The following CDH7 variants were observed in gnomAD, a reference collection of about 807,000 sequenced individuals.
CDH7 encodes the protein cadherin-7.
Under a neutral mutation model 71.8 loss-of-function variants are expected in CDH7, and 25 were observed. That is an observed-to-expected ratio of 0.35 (90% CI 0.25 to 0.49). The LOEUF (loss-of-function observed/expected upper bound fraction) is 0.49. Among genes scored for constraint, CDH7 ranks in the 20% least tolerant of loss-of-function variants. CDH7 has a pLI of 0.99. For synonymous variants in CDH7, 381 were observed against 363.8 expected (o/e 1.05, Z -0.54); for missense variants, 862 against 974.6 (o/e 0.88, Z 1.54).
intron 1 of CDH7, among the ~76,000 whole-genome samples, chr18:65,761,925 A>G (rs1043870202): frequency 6.6e-6 from 1 of 152,198 alleles, no homozygotes; most frequent in Non-Finnish European, 1.5e-5. Context: ...GGGAGGCCCT[A>G]CTATGCACAA....
intron 2 of CDH7, among the ~76,000 whole-genome samples, chr18:65,791,606 T>C (rs1910715398): frequency 6.6e-6 from 1 of 152,214 alleles, no homozygotes; most frequent in South Asian, 2.1e-4. Context: ...TGTCAGATGC[T>C]GTGAATTCTC....
chr18:65,844,020 G>T lies in CDH7; in HGVS notation c.1190G>T (p.Gly397Val). The change falls in exon 7 of 12, where the codon GGC becomes GTC. Residue 397 changes from glycine (G) to valine (V), a missense_variant. Gly to Val is a moderately radical substitution (Grantham distance 109). Coordinates refer to ENST00000397968, the MANE Select transcript of CDH7 (RefSeq NM_004361.5). The stretch of plus-strand genomic sequence containing the variant: ...GCTACCCAGGTTGGGAATATCATTG[G>T]CACTGTAGCAGCTCATGACCCAGAT... ...SEATQVGNII[G>V]TVAAHDPDSS... 6.2e-7 allele frequency: 1 copy of T among 1,612,992 alleles called. No individual in the cohort carries two copies. The highest frequency in any genetic ancestry group is 8.5e-7 in the Non-Finnish European group (1 of 1,179,352).
intron 6 of CDH7, among the ~76,000 whole-genome samples, chr18:65,833,237 T>C (rs1206535891): frequency 6.6e-6 from 1 of 152,220 alleles, no homozygotes; most frequent in Non-Finnish European, 1.5e-5. Flanking sequence ...AGATGTGGAC[T>C]ACCTGGGGTT....
At chr18:65,865,097 G>A (rs913693225) in intron 11 of CDH7, among the ~76,000 whole-genome samples, 2 of 151,968 alleles carry the variant, frequency 1.3e-5, no homozygotes, top group Non-Finnish European at 2.9e-5. Flanking sequence ...ATAATGAATT[G>A]TTTTTTGATT....
At chr18:65,847,074 T>A (rs1029171102) in intron 7 of CDH7, among the ~76,000 whole-genome samples, 1 of 152,172 alleles carries the variant, frequency 6.6e-6, no homozygotes, top group Non-Finnish European at 1.5e-5. Flanking sequence ...GGCTTTTTGA[T>A]GAATATAAGC....
In CDH7 at chr18:65,844,050, C is replaced by G. The variant is rs1211493111; in HGVS notation, c.1220C>G (p.Ser407Cys). 1.2e-6 allele frequency: 2 copies of G among 1,612,744 alleles called. No homozygotes were observed. ...GTVAAHDPDS[S>C]NSPVRYSIDR... ...GTAGCAGCTCATGACCCAGATTCTT[C>G]CAATAGCCCTGTGAGGTAAAAACTC... The change falls in exon 7 of 12, where the codon TCC (serine) becomes TGC (cysteine). Residue 407 changes from serine to cysteine, a missense_variant. Physicochemically the swap from Ser to Cys is moderately radical, Grantham distance 112. Transcript: ENST00000397968.
intron 1 of CDH7, among the ~76,000 whole-genome samples, chr18:65,759,605 T>C (rs749092788): frequency 2.6e-5 from 4 of 152,138 alleles, no homozygotes; most frequent in Non-Finnish European, 5.9e-5. Context: ...TTAAAAGAGC[T>C]AACAAAATCA....
At position 65,885,926 on chromosome 18, in the gene CDH7, A is replaced by G. The variant is rs1914364975; in HGVS notation, c.*5032A>G. 1 of 152,184 alleles carries G rather than the reference A, an allele frequency of 6.6e-6. No homozygotes were observed. Among genetic ancestry groups the G allele is most frequent in the Non-Finnish European group, 1.5e-5 (1 of 68,022 alleles). 9.4% of individuals were successfully genotyped at this position (152,184 alleles called of 1,614,324 possible). A position where few individuals can be genotyped will look rare whatever the true frequency, so the allele number is the denominator to read the frequency against. On this transcript the variant is annotated 3_prime_UTR_variant, in exon 12 of 12. Transcript: ENST00000397968. Reference sequence around the variant, plus strand: ...TTTAGCTGTTATTTGTGTAATTGTCACATATTATTGTGCAGATTTAATCTC... The same window carrying G: ...TTTAGCTGTTATTTGTGTAATTGTCGCATATTATTGTGCAGATTTAATCTC...
At chr18:65,848,372 C>A (rs531474929) in intron 7 of CDH7, among the ~76,000 whole-genome samples, 1 of 152,190 alleles carries the variant, frequency 6.6e-6, no homozygotes, top group South Asian at 2.1e-4. Context: ...AAGGAACTTA[C>A]AATCTGGATG....
chr18:65,851,303 T>C (rs1913142388), intron 7 of CDH7, among the ~76,000 whole-genome samples: 1 of 152,122 alleles, frequency 6.6e-6, no homozygotes, highest in South Asian at 2.1e-4. Context: ...CGACAAACTT[T>C]ATAGTAGATT....
At chr18:65,823,724 C>T (rs1313531420) in intron 5 of CDH7, among the ~76,000 whole-genome samples, 1 of 151,918 alleles carries the variant, frequency 6.6e-6, no homozygotes, top group African/African-American at 2.4e-5. Flanking sequence ...TTCCATAATA[C>T]AGACACATTT....
intron 1 of CDH7, among the ~76,000 whole-genome samples, chr18:65,761,940 T>A (rs935027524): frequency 6.6e-6 from 1 of 152,196 alleles, no homozygotes; most frequent in Non-Finnish European, 1.5e-5. Flanking sequence ...GCACAACTCA[T>A]GCTGCAAGAT....
rs1555692661 is a variant in CDH7 at position 65,885,372 on chromosome 18, G to GTTTTTTTTGTTTTTTTTTTTTTTT, written c.*4486_*4487insGTTTTTTTTTTTTTTTTTTTTTTT. The GTTTTTTTTGTTTTTTTTTTTTTTT allele has an allele frequency of 1.4e-5, 1 of 69,436 alleles. No homozygotes were observed. 4.3% of individuals were successfully genotyped at this position (69,436 alleles called of 1,614,324 possible). A position where few individuals can be genotyped will look rare whatever the true frequency, so the allele number is the denominator to read the frequency against. On this transcript the variant is annotated 3_prime_UTR_variant, in exon 12 of 12. Coordinates refer to ENST00000397968, the MANE Select transcript of CDH7 (RefSeq NM_004361.5). ...GTAACTGAAAAGGATGTGTGCCTGT[G>GTTTTTTTTGTTTTTTTTTTTTTTT]TTTTTTTTTTTTTTTTTTTTTTTGA...
At chr18:65,834,410 C>T (rs1484694) in intron 6 of CDH7, among the ~76,000 whole-genome samples, 92 of 152,238 alleles carry the variant, frequency 6.0e-4, no homozygotes, top group Admixed American at 3.6e-3. Context: ...CCATTGATAA[C>T]ATCCATGGAG....
At chr18:65,815,961 T>C (rs1232951698) in intron 4 of CDH7, among the ~76,000 whole-genome samples, 1 of 152,154 alleles carries the variant, frequency 6.6e-6, no homozygotes, top group Non-Finnish European at 1.5e-5. Flanking sequence ...AAATAGCATG[T>C]ATTAAGTCCA....
intron 5 of CDH7, among the ~76,000 whole-genome samples, chr18:65,823,688 C>T (rs1028585635): frequency 2.6e-5 from 4 of 151,834 alleles, no homozygotes; most frequent in Admixed American, 6.6e-5. Context: ...TAGAAAATTG[C>T]GAACAAGTCT....
chr18:65,830,381 C>T (rs1405676332), intron 6 of CDH7, among the ~76,000 whole-genome samples: 1 of 152,150 alleles, frequency 6.6e-6, no homozygotes, highest in East Asian at 1.9e-4. Flanking sequence ...TTCTCTTGAA[C>T]ACTTATTCAT....
At position 65,825,427 on chromosome 18, in the gene CDH7, A is replaced by G. The variant is rs564196115; in HGVS notation, c.981+596A>G. Among the ~76,000 whole-genome samples the G allele has an allele frequency of 3.9e-5, 6 of 151,996 alleles. No individual in the cohort carries two copies. The South Asian group carries it at 1.0e-3, about 26-fold the overall frequency. ...CAGCCCAAACTAAAGATTATTTTCC[A>G]TAATATATTTAAATTAGCTCTCAAC... On this transcript the variant is annotated intron_variant, in intron 6 of 11. Coordinates refer to ENST00000397968, the MANE Select transcript of CDH7 (RefSeq NM_004361.5).
In CDH7 at chr18:65,811,678, A is replaced by T. The variant is rs189859373; in HGVS notation, c.505+1680A>T. On this transcript the variant is annotated intron_variant, in intron 3 of 11. Transcript: ENST00000397968. ...GTTTAGTAAAACAGGAATTTTCGAG[A>T]TATGTTTGAGCAATTCAATTCAACT... Among the ~76,000 whole-genome samples the T allele has an allele frequency of 1.6e-3, 247 of 152,198 alleles. 2 individuals carry two copies. Among genetic ancestry groups the T allele is most frequent in the African/African-American group, 5.8e-3 (241 of 41,534 alleles).
Sources: gnomAD v4.1 joint callset for allele counts (sites outside exome capture counted in the v4.1 genomes callset) on GRCh38, gnomAD v4.1.1 for gene constraint, MANE v1.5 for transcripts, NCBI Gene and HGNC (gene_info 2026-07-23, HGNC 2026-07-21) for gene names.